CREB5: variants seen among roughly 807,000 people sequenced by gnomAD.
CREB5 encodes the protein cAMP responsive element binding protein 5.
A neutral mutation model predicts 57.1 loss-of-function variants in CREB5; 19 were observed. That is an observed-to-expected ratio of 0.33 (90% confidence interval 0.23 to 0.49). CREB5 has a LOEUF of 0.49. CREB5 is among the 20% of genes least tolerant of loss of function. The pLI, the probability that CREB5 is intolerant of heterozygous loss-of-function variation, is 0.99. For missense variants in CREB5, 579 were observed against 671.6 expected (o/e 0.86, Z 1.52); for synonymous variants, 238 against 238.3 (o/e 1.00, Z 0.01).
At chr7:28,325,072 C>A (rs1785561100) in intron 1 of CREB5, among the ~76,000 whole-genome samples, 1 of 152,218 alleles carries the variant, frequency 6.6e-6, no homozygotes, top group South Asian at 2.1e-4. Context: ...CTAATCTGAA[C>A]AACCGCAATA....
chr7:28,554,271 CCTT>C (rs1213024602), intron 4 of CREB5, among the ~76,000 whole-genome samples: 1 of 152,198 alleles, frequency 6.6e-6, no homozygotes, highest in Non-Finnish European at 1.5e-5. Context: ...TTGGCCTCCA[CCTT>C]CTTCTCTGTC....
rs1562677567 is a variant in CREB5, at chr7:28,367,814, A to G, written c.-25+68373A>G. 2.0e-5 allele frequency among the ~76,000 whole-genome samples: 3 copies of G among 151,992 alleles called. No individual in the cohort carries two copies. In the South Asian group the frequency reaches 6.2e-4, roughly 32 times the overall value. ...CAGAGCAAGACTCCATTTCAAAACA[A>G]ACAAACAGACAAACAAACAAACAAA... On this transcript the variant is annotated intron_variant, in intron 1 of 9. Transcript: ENST00000396299.
At chr7:28,668,572 T>C (rs1419115699) in intron 5 of CREB5, among the ~76,000 whole-genome samples, 2 of 151,970 alleles carry the variant, frequency 1.3e-5, no homozygotes, top group Non-Finnish European at 2.9e-5. Flanking sequence ...ATTTAATCTT[T>C]AATATAGTAA....
chr7:28,306,600 G>A (rs990217000), intron 1 of CREB5, among the ~76,000 whole-genome samples: 2 of 111,996 alleles, frequency 1.8e-5, no homozygotes, highest in East Asian at 3.0e-4. Context: ...TCGCTCTGTC[G>A]CCCAGGCTGG....
intron 4 of CREB5, among the ~76,000 whole-genome samples, chr7:28,555,183 TGCAAGGATG>T (rs1183170868): frequency 5.3e-5 from 8 of 151,614 alleles, no homozygotes; most frequent in African/African-American, 1.9e-4. Flanking sequence ...CATGGTGGTG[TGCAAGGATG>T]TTAGAATAAA....
chr7:28,373,050 T>A (rs984680317), intron 1 of CREB5, among the ~76,000 whole-genome samples: 1 of 152,184 alleles, frequency 6.6e-6, no homozygotes, highest in Non-Finnish European at 1.5e-5. Context: ...TCTGGTTCTC[T>A]GGGCCTCGGT....
At chr7:28,755,361 G>A (rs1457396740) in intron 7 of CREB5, among the ~76,000 whole-genome samples, 2 of 152,314 alleles carry the variant, frequency 1.3e-5, no homozygotes, top group South Asian at 2.1e-4. Context: ...GACTAGCTCA[G>A]TCGACTGACA....
At chr7:28,406,620 G>C (rs1787585762) in intron 1 of CREB5, among the ~76,000 whole-genome samples, 1 of 152,208 alleles carries the variant, frequency 6.6e-6, no homozygotes, top group African/African-American at 2.4e-5. Context: ...CCTAGTGGTG[G>C]TGCTGGCACC....
At chr7:28,809,473 CG>C in intron 9 of CREB5, 59 bp downstream of exon 9, 1 of 1,473,966 alleles carries the variant, frequency 6.8e-7, no homozygotes, top group Non-Finnish European at 9.2e-7. Flanking sequence ...CGGGCATTTC[CG>C]GCCCTGACAG....
At position 28,392,040 on chromosome 7, in the gene CREB5, C is replaced by A. The variant is rs190376024; in HGVS notation, c.-25+92599C>A. On this transcript the variant is annotated intron_variant, in intron 1 of 9. Transcript: ENST00000396299. ...TGGAGGAACAGAAAACCAAATACCG[C>A]ATGTTCTCACTTGTAAGTGGAAGCT... 2.6e-5 allele frequency among the ~76,000 whole-genome samples: 4 copies of A among 152,246 alleles called. No homozygotes were observed. The East Asian group carries it at 7.7e-4, about 29-fold the overall frequency.
intron 5 of CREB5, among the ~76,000 whole-genome samples, chr7:28,688,047 A>G (rs1037368872): frequency 6.6e-6 from 1 of 152,236 alleles, no homozygotes; most frequent in Non-Finnish European, 1.5e-5. Flanking sequence ...TATTTAGCAT[A>G]GCTTTTCAGA....
intron 1 of CREB5, among the ~76,000 whole-genome samples, chr7:28,308,800 A>G (rs1785229201): frequency 6.6e-6 from 1 of 152,190 alleles, no homozygotes; most frequent in African/African-American, 2.4e-5. Context: ...CAATGAGTTG[A>G]GATCTTTTCT....
intron 1 of CREB5, among the ~76,000 whole-genome samples, chr7:28,342,129 C>T (rs1785949431): frequency 6.6e-6 from 1 of 152,210 alleles, no homozygotes; most frequent in African/African-American, 2.4e-5. Flanking sequence ...CAGAGAATGT[C>T]CTGTCCCCCT....
intron 1 of CREB5, among the ~76,000 whole-genome samples, chr7:28,304,405 G>A (rs937348143): frequency 6.6e-6 from 1 of 152,194 alleles, no homozygotes; most frequent in African/African-American, 2.4e-5. Context: ...TCCATTTATA[G>A]TAGATATTTC....
intron 4 of CREB5, among the ~76,000 whole-genome samples, chr7:28,536,267 C>A (rs1793963458): frequency 6.6e-6 from 1 of 152,204 alleles, no homozygotes. Flanking sequence ...GAAAAGCGTG[C>A]CTTGGACTTC....
intron 1 of CREB5, among the ~76,000 whole-genome samples, chr7:28,396,182 A>G (rs1279845598): frequency 6.6e-6 from 1 of 152,194 alleles, no homozygotes; most frequent in Non-Finnish European, 1.5e-5. Context: ...TGTAGCAAAC[A>G]TGATTCTACA....
At chr7:28,492,039 G>A (rs371061099) in intron 2 of CREB5, among the ~76,000 whole-genome samples, 1 of 151,888 alleles carries the variant, frequency 6.6e-6, no homozygotes, top group Non-Finnish European at 1.5e-5. Context: ...CACTCTTGTC[G>A]CCCAGGCTGG....
chr7:28,445,780 T>A (rs1013035589), intron 1 of CREB5, among the ~76,000 whole-genome samples: 1 of 151,714 alleles, frequency 6.6e-6, no homozygotes, highest in Non-Finnish European at 1.5e-5. Flanking sequence ...CTCGATCTTC[T>A]GACCTCATGA....
intron 7 of CREB5, among the ~76,000 whole-genome samples, chr7:28,799,103 G>A (rs1482656947): frequency 9.2e-5 from 14 of 152,216 alleles, no homozygotes. Context: ...ACTTCGAAGA[G>A]TGTCCCACAC....
Sources: gnomAD v4.1 joint callset for allele counts (sites outside exome capture counted in the v4.1 genomes callset) on GRCh38, gnomAD v4.1.1 for gene constraint, MANE v1.5 for transcripts, NCBI Gene and HGNC (gene_info 2026-07-23, HGNC 2026-07-21) for gene names.